DNAH7: variants seen among roughly 807,000 people sequenced by gnomAD.
DNAH7 encodes the protein axonemal beta dynein heavy chain 7.
A neutral mutation model predicts 444.6 loss-of-function variants in DNAH7; 397 were observed. That is an observed-to-expected ratio of 0.89 (90% CI 0.82 to 0.97). DNAH7 has a LOEUF of 0.97. Among genes scored for constraint, DNAH7 ranks in the 50% least tolerant of loss-of-function variants. The probability of loss-of-function intolerance (pLI) is 0.00; values close to 1 mark genes in which losing one functional copy is unlikely to be tolerated. For missense variants in DNAH7, 4,902 were observed against 4,800.8 expected (o/e 1.02, Z -0.62); for synonymous variants, 1,636 against 1,624.4 (o/e 1.01, Z -0.17).
intron 49 of DNAH7, among the ~76,000 whole-genome samples, chr2:195,822,575 C>T (rs1384650435): frequency 1.3e-5 from 2 of 152,116 alleles, no homozygotes; most frequent in Non-Finnish European, 2.9e-5. Context: ...GTAACTGCCT[C>T]ACTATGTTTT....
At chr2:195,833,122 A>G (rs112052243) in intron 48 of DNAH7, among the ~76,000 whole-genome samples, 201 of 152,314 alleles carry the variant, frequency 1.3e-3, no homozygotes, top group African/African-American at 4.8e-3. Flanking sequence ...ACAGTGATGC[A>G]CACACACACA....
chr2:196,016,426 T>C (rs573022838), intron 9 of DNAH7, among the ~76,000 whole-genome samples: 3 of 152,254 alleles, frequency 2.0e-5, no homozygotes, highest in African/African-American at 4.8e-5. Context: ...GACAAAAACA[T>C]GGGGCAATGA....
chr2:196,020,023 A>G (rs1035185914), intron 8 of DNAH7, among the ~76,000 whole-genome samples: 1 of 151,544 alleles, frequency 6.6e-6, no homozygotes, highest in South Asian at 2.1e-4. Flanking sequence ...CCACCATGTA[A>G]AGATTACAAG....
intron 63 of DNAH7, among the ~76,000 whole-genome samples, chr2:195,743,383 T>C (rs1251870572): frequency 6.6e-6 from 1 of 152,212 alleles, no homozygotes; most frequent in Admixed American, 6.5e-5. Context: ...ATTAGTTCTG[T>C]CCCTCTAGAG....
chr2:195,878,036 T>C (rs1374469623), intron 36 of DNAH7, among the ~76,000 whole-genome samples: 2 of 152,208 alleles, frequency 1.3e-5, no homozygotes, highest in African/African-American at 4.8e-5. Flanking sequence ...AGAGGAATAA[T>C]AGTTTGAAAA....
chr2:195,829,597 C>T (rs1329984300), intron 48 of DNAH7, among the ~76,000 whole-genome samples: 2 of 152,030 alleles, frequency 1.3e-5, no homozygotes, highest in African/African-American at 2.4e-5. Context: ...ACTGCCTCAA[C>T]ATTTATCAAT....
intron 10 of DNAH7, among the ~76,000 whole-genome samples, chr2:196,005,929 ACAC>A (rs1431993254): frequency 3.9e-5 from 6 of 152,034 alleles, no homozygotes; most frequent in African/African-American, 1.5e-4. Flanking sequence ...ACACACACAC[ACAC>A]ACAAAAACTA....
chr2:195,951,774 A>G (rs188624494), intron 19 of DNAH7, among the ~76,000 whole-genome samples: 27 of 144,682 alleles, frequency 1.9e-4, no homozygotes, highest in Admixed American at 1.9e-3. Flanking sequence ...TTTTCTTTCC[A>G]TTTGCTTGGT....
At chr2:196,032,020 C>A (rs181852088) in intron 5 of DNAH7, among the ~76,000 whole-genome samples, 1 of 152,136 alleles carries the variant, frequency 6.6e-6, no homozygotes, top group Non-Finnish European at 1.5e-5. Flanking sequence ...AAGACATACC[C>A]GAAACTGGGC....
intron 58 of DNAH7, among the ~76,000 whole-genome samples, chr2:195,784,393 T>C (rs1347429901): frequency 6.6e-6 from 1 of 152,224 alleles, no homozygotes; most frequent in Non-Finnish European, 1.5e-5. Context: ...CTTAGCAATA[T>C]GCATTTAAGT....
In DNAH7 at chr2:195,909,945, C is replaced by T. The variant is rs1468204181; in HGVS notation, c.4104+82G>A. On this transcript the variant is annotated intron_variant, in intron 25 of 64. Coordinates refer to ENST00000312428, the MANE Select transcript of DNAH7 (RefSeq NM_018897.3). ...TACTTAAGCTACAGTAAATCTTTTA[C>T]TTGTATTCAATTATGTTGCATCATA... The T allele has an allele frequency of 5.2e-6, 7 of 1,338,962 alleles. No homozygotes were observed. The African/African-American group carries it at 1.0e-4, about 20-fold the overall frequency. 82.9% of individuals were successfully genotyped at this position (1,338,962 alleles called of 1,614,324 possible). A position where few individuals can be genotyped will look rare whatever the true frequency, so the allele number is the denominator to read the frequency against.
chr2:195,782,329 T>C (rs1365199482), intron 58 of DNAH7, among the ~76,000 whole-genome samples: 1 of 152,202 alleles, frequency 6.6e-6, no homozygotes, highest in Non-Finnish European at 1.5e-5. Flanking sequence ...GAAGTATACA[T>C]GACTCAAGTA....
At chr2:195,966,012 T>C (rs1032483758) in intron 17 of DNAH7, among the ~76,000 whole-genome samples, 2 of 152,184 alleles carry the variant, frequency 1.3e-5, no homozygotes, top group African/African-American at 4.8e-5. Flanking sequence ...TGGTTTACTC[T>C]TGCTTTTCTA....
At chr2:195,926,666 TACA>T in intron 21 of DNAH7, 100 bp from the exon 22 acceptor site, 1 of 1,073,648 alleles carries the variant, frequency 9.3e-7, no homozygotes, top group South Asian at 2.3e-5. Flanking sequence ...CTCAATTTTT[TACA>T]ACATTCTTAG....
intron 25 of DNAH7, among the ~76,000 whole-genome samples, chr2:195,908,823 C>T (rs547769441): frequency 2.0e-4 from 31 of 152,142 alleles, no homozygotes; most frequent in African/African-American, 7.0e-4. Context: ...TAATTTTGAG[C>T]TTTTAAAAGT....
intron 8 of DNAH7, among the ~76,000 whole-genome samples, chr2:196,023,464 G>A (rs114788193): frequency 5.2e-4 from 79 of 152,272 alleles, no homozygotes; most frequent in Non-Finnish European, 1.0e-3. Context: ...GCTCCGTTAT[G>A]GAGATTGCTT....
At chr2:195,992,354 G>A (rs1343747456) in intron 12 of DNAH7, among the ~76,000 whole-genome samples, 1 of 152,164 alleles carries the variant, frequency 6.6e-6, no homozygotes, top group Non-Finnish European at 1.5e-5. Context: ...AGAAGAAAAA[G>A]GCAGATAGTC....
At position 195,900,377 on chromosome 2, in the gene DNAH7, A is replaced by G. The variant is rs1207053466; in HGVS notation, c.4453T>C (p.Tyr1485His). ...RPLSVKIVAT[Y>H]RLCSEQLSSQ... ...GACAGCTGCTCTGAACACAAGCGATACGTAGCCACAATTTTTACAGACAGT... is the reference window on the plus strand; with the variant it reads ...GACAGCTGCTCTGAACACAAGCGATGCGTAGCCACAATTTTTACAGACAGT... Residue 1485 changes from tyrosine (Y) to histidine (H), a missense_variant, in exon 28 of 65, where the codon TAT (tyrosine) becomes CAT (histidine). Physicochemically the swap from Tyr to His is moderately conservative, Grantham distance 83 (BLOSUM62 2). Coordinates refer to ENST00000312428, the MANE Select transcript of DNAH7 (RefSeq NM_018897.3). 1 of 1,614,080 alleles carries G rather than the reference A, an allele frequency of 6.2e-7. No homozygotes were observed. Among genetic ancestry groups the G allele is most frequent in the East Asian group, 2.2e-5 (1 of 44,874 alleles).
chr2:195,754,276 G>A, intron 63 of DNAH7, 61 bp downstream of exon 63: 4 of 1,488,660 alleles, frequency 2.7e-6, no homozygotes, highest in Non-Finnish European at 3.6e-6. Context: ...AAGTATGCTA[G>A]AATGTCATGT....
Sources: gnomAD v4.1 joint callset for allele counts (sites outside exome capture counted in the v4.1 genomes callset) on GRCh38, gnomAD v4.1.1 for gene constraint, MANE v1.5 for transcripts, NCBI Gene and HGNC (gene_info 2026-07-23, HGNC 2026-07-21) for gene names.